The following BCAR3 variants were observed in gnomAD, a reference collection of about 807,000 sequenced individuals.
BCAR3 encodes the protein BCAR3 adaptor protein, NSP family member, also known as breast cancer anti-estrogen resistance protein 3.
Under a neutral mutation model 80.1 loss-of-function variants are expected in BCAR3, and 37 were observed. The ratio of observed to expected loss-of-function variants is 0.46; its 90% confidence interval spans 0.36 to 0.61. The LOEUF is 0.61. BCAR3 is among the 20% of genes least tolerant of loss of function. The pLI is 0.00. For synonymous variants in BCAR3, 389 were observed against 418.9 expected (o/e 0.93, Z 0.87); for missense variants, 978 against 1,068.2 (o/e 0.92, Z 1.18).
exon 3 of BCAR3, chr1:93,706,131 AT>A (rs1649820217): frequency 6.6e-6 from 1 of 152,468 alleles, no homozygotes; most frequent in African/African-American, 2.4e-5. Flanking sequence ...CTTGGGTCAG[AT>A]GAAGCAGCTC....
chr1:93,763,594 G>A (rs1164389732), intron 2 of BCAR3, among the ~76,000 whole-genome samples: 6 of 152,272 alleles, frequency 3.9e-5, no homozygotes, highest in Non-Finnish European at 7.4e-5. Context: ...CCTCACTCTC[G>A]AGCAATGCAC....
At position 93,584,011 on chromosome 1, in the gene BCAR3, A is replaced by C; in HGVS notation, c.1033+7T>G. ...GACGTTCTCCCTGAAAATTCCCCGA[A>C]ACATACCAATCGGCAGGTAGCTCTC... On this transcript the variant is annotated splice_region_variant and intron_variant, in intron 6 of 11. Transcript: ENST00000260502. 1.2e-6 allele frequency: 2 copies of C among 1,613,352 alleles called. No individual in the cohort carries two copies.
chr1:93,845,459 A>ATT (rs1161507337), intron 2 of BCAR3: 2,779 of 101,422 alleles, frequency 0.027, 125 homozygotes, highest in African/African-American at 0.071. Flanking sequence ...GGGCATAACA[A>ATT]TTTTATATAT....
intron 2 of BCAR3, among the ~76,000 whole-genome samples, chr1:93,662,052 G>A (rs1647686221): frequency 1.3e-5 from 2 of 152,200 alleles, no homozygotes; most frequent in South Asian, 4.1e-4. Context: ...GATACTTCAT[G>A]ATTAAAGCAA....
rs1557709665 is a variant in BCAR3, at chr1:93,847,021, CGG to C, written c.-209+47_-209+48del. On this transcript the variant is annotated intron_variant, in intron 1 of 13. Coordinates refer to the BCAR3 transcript ENST00000370244. ...CCAGCCGCGGCTGGGTCGGGCGCGGCGGCCGGGCGCGAGGGAAGAGCCCAGGC... is the reference window on the plus strand; with the variant it reads ...CCAGCCGCGGCTGGGTCGGGCGCGGCCCGGGCGCGAGGGAAGAGCCCAGGC... 31 of 136,378 alleles carry C rather than the reference CGG, an allele frequency of 2.3e-4. 3 individuals carry two copies. In the African/African-American group the frequency reaches 9.2e-3, roughly 40 times the overall value. The allele number at this position is 136,378 out of a possible 1,614,324, so 8.4% of individuals were successfully genotyped here. A position where few individuals can be genotyped will look rare whatever the true frequency, so the allele number is the denominator to read the frequency against.
At chr1:93,765,048 G>A (rs1557680804) in intron 2 of BCAR3, among the ~76,000 whole-genome samples, 2 of 152,204 alleles carry the variant, frequency 1.3e-5, no homozygotes, top group African/African-American at 4.8e-5. Flanking sequence ...AGGTCAGGAT[G>A]AGCTTCAGTG....
chr1:93,607,513 C>A (rs1255561403), intron 3 of BCAR3, among the ~76,000 whole-genome samples: 1 of 151,972 alleles, frequency 6.6e-6, no homozygotes, highest in Non-Finnish European at 1.5e-5. Flanking sequence ...TAGGGGGATG[C>A]TGCTGCTGCT....
chr1:93,780,324 A>G (rs993453383), intron 2 of BCAR3, among the ~76,000 whole-genome samples: 4 of 152,204 alleles, frequency 2.6e-5, no homozygotes, highest in Non-Finnish European at 5.9e-5. Context: ...TGGTTATCCC[A>G]TAATAGTGAC....
intron 3 of BCAR3, among the ~76,000 whole-genome samples, chr1:93,614,370 C>T (rs798217): frequency 0.28 from 42,350 of 151,960 alleles, 7,704 homozygotes; most frequent in African/African-American, 0.53. Flanking sequence ...GTGGTTCTGT[C>T]TGCTTGTCAC....
At chr1:93,598,160 G>A (rs1674496499) in intron 3 of BCAR3, among the ~76,000 whole-genome samples, 1 of 152,190 alleles carries the variant, frequency 6.6e-6, no homozygotes, top group Non-Finnish European at 1.5e-5. Flanking sequence ...AATGGAGCTA[G>A]GGGTCTCCTG....
intron 2 of BCAR3, among the ~76,000 whole-genome samples, chr1:93,809,705 T>C (rs1170256147): frequency 2.0e-5 from 3 of 148,600 alleles, no homozygotes; most frequent in Non-Finnish European, 4.5e-5. Flanking sequence ...GAGGCAGAGG[T>C]TGCAGCAAGC....
intron 2 of BCAR3, among the ~76,000 whole-genome samples, chr1:93,796,576 AC>A (rs1379959632): frequency 4.0e-5 from 6 of 151,212 alleles, no homozygotes; most frequent in Admixed American, 6.6e-5. Context: ...AGTGAGATGA[AC>A]CCGGTACCTC....
chr1:93,612,408 T>TA (rs754311245), intron 3 of BCAR3, among the ~76,000 whole-genome samples: 2 of 152,024 alleles, frequency 1.3e-5, no homozygotes, highest in Non-Finnish European at 2.9e-5. Flanking sequence ...CCCCATATAT[T>TA]AAGTGGCCTT....
intron 2 of BCAR3, among the ~76,000 whole-genome samples, chr1:93,831,138 G>A (rs373342800): frequency 6.6e-5 from 10 of 152,100 alleles, no homozygotes; most frequent in East Asian, 3.9e-4. Context: ...CTCCATTGGT[G>A]TCTGATCACC....
intron 2 of BCAR3, among the ~76,000 whole-genome samples, chr1:93,734,219 G>A (rs1650899857): frequency 6.6e-6 from 1 of 152,260 alleles, no homozygotes. Flanking sequence ...GCACATTTGT[G>A]TTTGGTTCAT....
intron 3 of BCAR3, among the ~76,000 whole-genome samples, chr1:93,593,113 C>T (rs746793445): frequency 6.6e-6 from 1 of 151,272 alleles, no homozygotes; most frequent in Non-Finnish European, 1.5e-5. Context: ...GCAGTGAGTG[C>T]TGGGTGGACA....
intron 3 of BCAR3, among the ~76,000 whole-genome samples, chr1:93,687,672 A>G (rs1571045542): frequency 6.6e-6 from 1 of 152,208 alleles, no homozygotes; most frequent in East Asian, 1.9e-4. Context: ...AACAGACAAC[A>G]TAACAATGAC....
intron 3 of BCAR3, among the ~76,000 whole-genome samples, chr1:93,619,751 C>G (rs1388675310): frequency 6.6e-6 from 1 of 152,246 alleles, no homozygotes; most frequent in Non-Finnish European, 1.5e-5. Flanking sequence ...TGCGCCAGTT[C>G]TCTGTCTCAC....
At chr1:93,712,068 G>A (rs1052947330) in intron 2 of BCAR3, among the ~76,000 whole-genome samples, 2 of 152,160 alleles carry the variant, frequency 1.3e-5, no homozygotes, top group Non-Finnish European at 2.9e-5. Flanking sequence ...CCTTCACTCT[G>A]CTGAGCCCCA....
Sources: gnomAD v4.1 joint callset for allele counts (sites outside exome capture counted in the v4.1 genomes callset) on GRCh38, gnomAD v4.1.1 for gene constraint, MANE v1.5 for transcripts, NCBI Gene and HGNC (gene_info 2026-07-23, HGNC 2026-07-21) for gene names.